NBAS: variants seen among roughly 807,000 people sequenced by gnomAD.
NBAS encodes NBAS subunit of NRZ tethering complex, also known as NAG/BC035112 fusion.
Under a neutral mutation model 302.5 loss-of-function variants are expected in NBAS, and 219 were observed. That is an observed-to-expected ratio of 0.72 (90% CI 0.65 to 0.81). The LOEUF (loss-of-function observed/expected upper bound fraction) is 0.81. Ranked by LOEUF, NBAS falls within the 30% of genes least tolerant of loss-of-function variation. The pLI is 0.00. For missense variants in NBAS, 2,932 were observed against 2,841.6 expected (o/e 1.03, Z -0.72); for synonymous variants, 1,118 against 1,021.6 (o/e 1.09, Z -1.80).
the NBAS span, among the ~76,000 whole-genome samples, chr2:14,893,596 T>C: frequency 6.6e-6 from 1 of 152,224 alleles, no homozygotes; most frequent in Non-Finnish European, 1.5e-5. Context: ...TCTGTTCTAC[T>C]CTGTGCTCCT....
At chr2:15,346,271 A>T (rs1445309280) in intron 35 of NBAS, among the ~76,000 whole-genome samples, 2 of 152,202 alleles carry the variant, frequency 1.3e-5, no homozygotes, top group Non-Finnish European at 2.9e-5. Context: ...ACAAAGATCC[A>T]ATATCCAGAA....
intron 12 of NBAS, among the ~76,000 whole-genome samples, chr2:15,480,072 GGCT>G (rs1450907840): frequency 6.6e-6 from 1 of 150,772 alleles, no homozygotes; most frequent in Non-Finnish European, 1.5e-5. Context: ...CAGGCATGGT[GGCT>G]CACGCCTGTA....
At chr2:15,533,044 G>A (rs890615726) in intron 9 of NBAS, among the ~76,000 whole-genome samples, 1 of 152,152 alleles carries the variant, frequency 6.6e-6, no homozygotes, top group Admixed American at 6.5e-5. Flanking sequence ...AACCAGGGAA[G>A]TACAAATTAA....
At chr2:14,879,847 G>C in the NBAS span, among the ~76,000 whole-genome samples, 1 of 152,200 alleles carries the variant, frequency 6.6e-6, no homozygotes, top group Non-Finnish European at 1.5e-5. Context: ...CATACTCCTA[G>C]AGGTGGAGAA....
chr2:15,521,080 AAACTTGC>A (rs1322439130), intron 9 of NBAS, among the ~76,000 whole-genome samples: 1 of 152,236 alleles, frequency 6.6e-6, no homozygotes, highest in Non-Finnish European at 1.5e-5. Flanking sequence ...AAAGTGTCTA[AAACTTGC>A]AAGGTGCTAA....
chr2:15,501,392 A>G (rs540788256), intron 11 of NBAS, among the ~76,000 whole-genome samples: 1 of 152,176 alleles, frequency 6.6e-6, no homozygotes, highest in Non-Finnish European at 1.5e-5. Flanking sequence ...TGGACTACTA[A>G]TTATTAATTC....
chr2:15,161,713 G>A, the NBAS span, among the ~76,000 whole-genome samples: 2 of 152,112 alleles, frequency 1.3e-5, no homozygotes, highest in Non-Finnish European at 2.9e-5. Context: ...ACCCAGCCAG[G>A]GCAGCTTTTC....
rs528659880 is a variant in NBAS, at chr2:15,234,533, T to C, written c.6146+12A>G. 2.9e-5 allele frequency: 47 copies of C among 1,612,852 alleles called. No individual in the cohort carries two copies. The South Asian group carries it at 4.4e-4, about 15-fold the overall frequency. ...ACCCCAGTTTTTCCACAATGACCACTTTCTAGCTTACCTCAATGCAGAAAT... is the reference window on the plus strand; with the variant it reads ...ACCCCAGTTTTTCCACAATGACCACCTTCTAGCTTACCTCAATGCAGAAAT... On this transcript the variant is annotated intron_variant, in intron 46 of 51. Transcript: ENST00000281513.
chr2:15,445,645 T>TA (rs1407020384), intron 21 of NBAS, among the ~76,000 whole-genome samples: 3 of 151,450 alleles, frequency 2.0e-5, no homozygotes, highest in East Asian at 3.9e-4. Flanking sequence ...CCCTAAAACT[T>TA]AAAGTATAAT....
the NBAS span, among the ~76,000 whole-genome samples, chr2:14,972,799 A>T: frequency 6.6e-6 from 1 of 152,202 alleles, no homozygotes; most frequent in Non-Finnish European, 1.5e-5. Flanking sequence ...CCTGTAATCT[A>T]GTTTTATAAG....
chr2:15,473,083 T>A (rs1402830604), intron 16 of NBAS, 139 bp downstream of exon 16: 1 of 975,002 alleles, frequency 1.0e-6, no homozygotes, highest in East Asian at 2.7e-5. Context: ...AAGACCATTT[T>A]TCCAGCTGAG....
chr2:15,434,129 AT>A (rs1677895005), intron 21 of NBAS, among the ~76,000 whole-genome samples: 1 of 152,156 alleles, frequency 6.6e-6, no homozygotes, highest in African/African-American at 2.4e-5. Flanking sequence ...TCTCAAAAAA[AT>A]AAATTAAATT....
the NBAS span, among the ~76,000 whole-genome samples, chr2:15,035,116 G>T: frequency 0.075 from 10,444 of 138,866 alleles, 484 homozygotes; most frequent in East Asian, 0.22. Flanking sequence ...GGAGTGTGGG[G>T]TTTTTTTTTT....
chr2:15,467,438 T>C (rs746901628), intron 18 of NBAS, 31 bp from the exon 19 acceptor site: 12 of 1,533,680 alleles, frequency 7.8e-6, no homozygotes, highest in East Asian at 2.3e-5. Flanking sequence ...AGGCCACTTA[T>C]ATTTACACAG....
At chr2:14,781,751 A>C in the NBAS span, among the ~76,000 whole-genome samples, 1 of 151,790 alleles carries the variant, frequency 6.6e-6, no homozygotes, top group African/African-American at 2.4e-5. Flanking sequence ...TGTGACAAAA[A>C]AAAAAAAAAC....
the NBAS span, among the ~76,000 whole-genome samples, chr2:15,161,251 C>T: frequency 2.6e-5 from 4 of 152,130 alleles, no homozygotes; most frequent in Admixed American, 2.0e-4. Context: ...CGTGGCTAAC[C>T]GCTAAAGTCT....
chr2:15,532,255 C>T (rs992211535), intron 9 of NBAS, among the ~76,000 whole-genome samples: 1 of 151,758 alleles, frequency 6.6e-6, no homozygotes, highest in African/African-American at 2.4e-5. Context: ...TTTGGGAGGC[C>T]GAGGTGGGCG....
chr2:15,487,323 T>C (rs1043159220), intron 12 of NBAS, among the ~76,000 whole-genome samples: 9 of 152,174 alleles, frequency 5.9e-5, no homozygotes, highest in African/African-American at 1.9e-4. Context: ...ATATGAAACA[T>C]GGACTTCATG....
intron 12 of NBAS, among the ~76,000 whole-genome samples, chr2:15,486,940 G>A (rs1047746277): frequency 6.6e-6 from 1 of 151,910 alleles, no homozygotes; most frequent in African/African-American, 2.4e-5. Context: ...AAAGTCTCTG[G>A]ATTTTCAGTA....
Sources: gnomAD v4.1 joint callset for allele counts (sites outside exome capture counted in the v4.1 genomes callset) on GRCh38, gnomAD v4.1.1 for gene constraint, MANE v1.5 for transcripts, NCBI Gene and HGNC (gene_info 2026-07-23, HGNC 2026-07-21) for gene names.